The following KANK1 variants were observed in gnomAD, a reference collection of about 807,000 sequenced individuals.
KANK1 encodes KN motif and ankyrin repeat domains 1, also known as KN motif and ankyrin repeat domain-containing protein 1.
Under a neutral mutation model 106.2 loss-of-function variants are expected in KANK1, and 109 were observed. The observed-to-expected ratio is 1.03, with a 90% CI of 0.88 to 1.20. The LOEUF (loss-of-function observed/expected upper bound fraction) is 1.20, where lower values mean the gene tolerates loss of function less well. Ranked by LOEUF, KANK1 falls within the 50% of genes most tolerant of loss-of-function variation. KANK1 has a pLI of 0.00. For synonymous variants in KANK1, 873 were observed against 652.2 expected, an observed-to-expected ratio of 1.34 and a Z score of -5.16; for missense variants, 2,399 against 1,710.7, an observed-to-expected ratio of 1.40 and a Z score of -7.10.
chr9:626,267 CA>C (rs1834320978), intron 1 of KANK1, among the ~76,000 whole-genome samples: 2 of 151,936 alleles, frequency 1.3e-5, no homozygotes, highest in Admixed American at 1.3e-4. Flanking sequence ...AGTGACTGGC[CA>C]ACATGGTGAA....
intron 11 of KANK1, chr9:744,885 A>G: frequency 7.1e-7 from 1 of 1,410,398 alleles, no homozygotes; most frequent in African/African-American, 1.4e-5. Context: ...CCATGGGGAT[A>G]TTTCGCCATG....
intron 1 of KANK1, among the ~76,000 whole-genome samples, chr9:519,998 A>G (rs903010760): frequency 2.6e-5 from 4 of 151,810 alleles, no homozygotes; most frequent in African/African-American, 9.7e-5. Context: ...TCTAGACTTA[A>G]TGAGCCACTC....
At chr9:576,700 G>T (rs1820649440) in intron 1 of KANK1, among the ~76,000 whole-genome samples, 1 of 152,058 alleles carries the variant, frequency 6.6e-6, no homozygotes, top group Non-Finnish European at 1.5e-5. Context: ...TGAACTTGGT[G>T]CTTCTTCCTG....
Position 640,910 on chromosome 9 carries a change from A to C in KANK1, c.-83-35980A>C, listed in dbSNP as rs142334900. Among the ~76,000 whole-genome samples, 1,350 of 150,712 alleles carry C rather than the reference A, an allele frequency of 9.0e-3. 27 individuals carry two copies. Among genetic ancestry groups the C allele is most frequent in the African/African-American group, 0.031 (1,249 of 40,858 alleles). On this transcript the variant is annotated intron_variant, in intron 1 of 11. Coordinates refer to ENST00000382297, the MANE Select transcript of KANK1 (RefSeq NM_015158.5). Reference sequence around the variant, plus strand: ...ACAGGGTTTCACCATGTTAGCCAGGATGGTCTCGATCTCCTGACCTTGTTA... The same window carrying C: ...ACAGGGTTTCACCATGTTAGCCAGGCTGGTCTCGATCTCCTGACCTTGTTA...
chr9:517,607 A>C lies in KANK1; in HGVS notation c.-84+12853A>C, dbSNP rs533690163. Reference sequence around the variant, plus strand: ...TATAGAGCTTTTTCACACTTTCTAGAGAAGGTAAGCATCTCTTCCTGAGAA... The same window carrying C: ...TATAGAGCTTTTTCACACTTTCTAGCGAAGGTAAGCATCTCTTCCTGAGAA... On this transcript the variant is annotated intron_variant, in intron 1 of 11. Coordinates refer to ENST00000382297, the MANE Select transcript of KANK1 (RefSeq NM_015158.5). Among the ~76,000 whole-genome samples the C allele has an allele frequency of 4.7e-4, 71 of 151,518 alleles. 2 individuals carry two copies. The highest frequency in any genetic ancestry group is 1.7e-3 in the African/African-American group (69 of 40,952).
intron 2 of KANK1, among the ~76,000 whole-genome samples, chr9:688,963 C>G (rs1338662051): frequency 6.6e-6 from 1 of 152,194 alleles, no homozygotes; most frequent in African/African-American, 2.4e-5. Flanking sequence ...TCTCTACAGA[C>G]CTCACCTCTT....
intron 1 of KANK1, among the ~76,000 whole-genome samples, chr9:606,998 A>G (rs1829364376): frequency 6.6e-6 from 1 of 151,632 alleles, no homozygotes; most frequent in African/African-American, 2.4e-5. Context: ...TAAGTATTTT[A>G]TGCCCACGGA....
Position 711,043 on chromosome 9 carries a change from T to C in KANK1, c.277T>C (p.Ser93Pro), listed in dbSNP as rs1825912469. Residue 93 changes from serine (S) to proline (P), a missense_variant, in exon 3 of 12, where the codon TCA (serine) becomes CCA (proline). Coordinates refer to ENST00000382297, the MANE Select transcript of KANK1 (RefSeq NM_015158.5). ...QGIWTSTESL[S>P]SSNSDDNKQC... is the part of the protein sequence containing the mutation. ...TATATGGACTTCCACTGAATCCCTC[T>C]CATCCTCCAACAGTGATGACAACAA... 1.9e-6 allele frequency: 3 copies of C among 1,614,172 alleles called. No individual in the cohort carries two copies. The Middle Eastern group carries it at 4.9e-4, about 266-fold the overall frequency.
intron 5 of KANK1, 199 bp from the exon 6 acceptor site, chr9:732,179 T>C (rs1832479563): frequency 1.8e-6 from 1 of 549,278 alleles, no homozygotes. Flanking sequence ...GGTTATATGA[T>C]ACCGATAACC....
intron 3 of KANK1, among the ~76,000 whole-genome samples, chr9:481,910 GATAGTA>G (rs1334087725): frequency 5.3e-5 from 8 of 152,114 alleles, no homozygotes; most frequent in Non-Finnish European, 1.2e-4. Flanking sequence ...AGAGTTGTTA[GATAGTA>G]ATAGGACAAA....
chr9:475,391 C>G (rs1273416218), intron 3 of KANK1, among the ~76,000 whole-genome samples: 1 of 152,208 alleles, frequency 6.6e-6, no homozygotes, highest in South Asian at 2.1e-4. Context: ...CCTGTAAGAC[C>G]GCAAGTCAAA....
chr9:694,555 G>T (rs1315234485), intron 2 of KANK1, among the ~76,000 whole-genome samples: 2 of 152,188 alleles, frequency 1.3e-5, no homozygotes, highest in Non-Finnish European at 2.9e-5. Context: ...TTGGGGTAAA[G>T]AGTTGCTGCA....
chr9:551,805 T>G (rs2061298961), intron 1 of KANK1, among the ~76,000 whole-genome samples: 1 of 151,530 alleles, frequency 6.6e-6, no homozygotes, highest in Non-Finnish European at 1.5e-5. Flanking sequence ...CCCAGCACTT[T>G]GAGAGGCCAA....
intron 1 of KANK1, among the ~76,000 whole-genome samples, chr9:595,383 A>T (rs558799628): frequency 6.6e-6 from 1 of 151,988 alleles, no homozygotes; most frequent in Admixed American, 6.5e-5. Flanking sequence ...TGAAGGGGAG[A>T]CCTAATGCCA....
At chr9:702,230 T>G (rs1437531572) in intron 2 of KANK1, among the ~76,000 whole-genome samples, 3 of 89,006 alleles carry the variant, frequency 3.4e-5, no homozygotes, top group African/African-American at 1.3e-4. Context: ...GTGAGTTGGC[T>G]CAGAGATGAT....
At chr9:528,803 C>G (rs1467591225) in intron 1 of KANK1, among the ~76,000 whole-genome samples, 1 of 151,492 alleles carries the variant, frequency 6.6e-6, no homozygotes, top group Non-Finnish European at 1.5e-5. Context: ...TAATATGTCT[C>G]AATTTTTTTT....
intron 10 of KANK1, 89 bp from the exon 11 acceptor site, chr9:744,402 T>TA: frequency 1.4e-6 from 2 of 1,427,374 alleles, no homozygotes; most frequent in Non-Finnish European, 1.9e-6. Flanking sequence ...ACCTTGCCAA[T>TA]TATTGGAGGG....
At chr9:485,534 G>A (rs376873440) in intron 3 of KANK1, among the ~76,000 whole-genome samples, 1 of 152,138 alleles carries the variant, frequency 6.6e-6, no homozygotes, top group Non-Finnish European at 1.5e-5. Flanking sequence ...ATGATTACAA[G>A]AGCCTGGATC....
intron 1 of KANK1, among the ~76,000 whole-genome samples, chr9:523,642 G>A (rs1283917704): frequency 2.0e-5 from 3 of 151,644 alleles, no homozygotes; most frequent in Non-Finnish European, 2.9e-5. Context: ...TTCCACAGGT[G>A]TCCCTTTTGC....
Sources: allele counts gnomAD v4.1 joint callset (sites outside exome capture counted in the v4.1 genomes callset), GRCh38; gene constraint gnomAD v4.1.1; transcripts MANE v1.5; gene names NCBI Gene and HGNC (gene_info 2026-07-23, HGNC 2026-07-21).